Variants in PRKCE observed in about 807,000 individuals in gnomAD.
PRKCE encodes protein kinase C epsilon type.
In PRKCE, 16 loss-of-function variants were observed where a neutral mutation model predicts 85.4. That is an observed-to-expected ratio of 0.19 (90% confidence interval 0.13 to 0.28). The LOEUF (loss-of-function observed/expected upper bound fraction) is 0.28. Ranked by LOEUF, PRKCE falls within the 10% of genes least tolerant of loss-of-function variation. PRKCE has a pLI of 1.00. For synonymous variants in PRKCE, 388 were observed against 371.5 expected (o/e 1.04, Z -0.51); for missense variants, 573 against 975.2 (o/e 0.59, Z 5.49).
At chr2:45,676,359 T>C (rs1322122207) in intron 1 of PRKCE, among the ~76,000 whole-genome samples, 1 of 152,362 alleles carries the variant, frequency 6.6e-6, no homozygotes, top group South Asian at 2.1e-4. Context: ...AAAGAGATCT[T>C]TTAAACTGAA....
intron 6 of PRKCE, among the ~76,000 whole-genome samples, chr2:45,987,780 G>T (rs544701281): frequency 1.3e-5 from 2 of 152,296 alleles, no homozygotes; most frequent in South Asian, 2.1e-4. Flanking sequence ...AGATTAGCTG[G>T]ATGGCCCTGG....
intron 11 of PRKCE, among the ~76,000 whole-genome samples, chr2:46,086,836 C>G (rs1345930833): frequency 6.6e-6 from 1 of 152,156 alleles, no homozygotes; most frequent in Non-Finnish European, 1.5e-5. Context: ...GGTTTATGAT[C>G]TTGGGTGGGG....
chr2:45,846,656 AG>A (rs1451271662), intron 2 of PRKCE, among the ~76,000 whole-genome samples: 1 of 152,186 alleles, frequency 6.6e-6, no homozygotes, highest in African/African-American at 2.4e-5. Context: ...ACAGGCTGAA[AG>A]GGGTCAGTCT....
chr2:45,981,511 A>G (rs1265629754), intron 5 of PRKCE, among the ~76,000 whole-genome samples: 1 of 152,200 alleles, frequency 6.6e-6, no homozygotes, highest in Non-Finnish European at 1.5e-5. Context: ...GCAACAAAGG[A>G]CAAGGCTTAG....
intron 10 of PRKCE, among the ~76,000 whole-genome samples, chr2:46,077,639 A>C (rs538167945): frequency 6.6e-6 from 1 of 152,302 alleles, no homozygotes; most frequent in African/African-American, 2.4e-5. Flanking sequence ...AGGGCTGAAA[A>C]CATGTGAAAA....
At chr2:45,871,967 A>T (rs1197433015) in intron 2 of PRKCE, among the ~76,000 whole-genome samples, 3 of 152,210 alleles carry the variant, frequency 2.0e-5, no homozygotes, top group African/African-American at 7.2e-5. Flanking sequence ...GGACGGAGTT[A>T]GTGTGACAGT....
intron 1 of PRKCE, among the ~76,000 whole-genome samples, chr2:45,667,778 A>G (rs934752240): frequency 1.3e-5 from 2 of 151,866 alleles, no homozygotes; most frequent in African/African-American, 4.8e-5. Flanking sequence ...CCTTGTTATT[A>G]TATATGTTTT....
At position 45,702,506 on chromosome 2, in the gene PRKCE, T is replaced by G. The variant is rs181691238; in HGVS notation, c.348+50058T>G. ...CTCGGTCAGCATGGTCAGTTTTACT[T>G]GCATGTGTTTATCCTGAGCGGTGGA... On this transcript the variant is annotated intron_variant, in intron 1 of 14. Coordinates refer to ENST00000306156, the MANE Select transcript of PRKCE (RefSeq NM_005400.3). Among the ~76,000 whole-genome samples the G allele has an allele frequency of 2.6e-5, 4 of 152,320 alleles. No homozygotes were observed. The East Asian group carries it at 7.7e-4, about 29-fold the overall frequency.
intron 2 of PRKCE, among the ~76,000 whole-genome samples, chr2:45,904,525 C>G (rs558458866): frequency 6.6e-6 from 1 of 152,156 alleles, no homozygotes; most frequent in South Asian, 2.1e-4. Flanking sequence ...ATGAGATGAG[C>G]CTTTTGAGAA....
At chr2:45,968,759 T>G (rs1265433737) in intron 2 of PRKCE, among the ~76,000 whole-genome samples, 1 of 152,138 alleles carries the variant, frequency 6.6e-6, no homozygotes, top group South Asian at 2.1e-4. Flanking sequence ...CAGCTTGCTT[T>G]TTGTGTGGGA....
intron 2 of PRKCE, among the ~76,000 whole-genome samples, chr2:45,964,142 G>A (rs954060946): frequency 6.6e-6 from 1 of 152,194 alleles, no homozygotes; most frequent in Non-Finnish European, 1.5e-5. Context: ...TAAAAGGCTT[G>A]TTATTTGTTC....
chr2:45,730,041 G>C (rs1040150556), intron 1 of PRKCE, among the ~76,000 whole-genome samples: 2 of 152,198 alleles, frequency 1.3e-5, no homozygotes, highest in African/African-American at 4.8e-5. Flanking sequence ...GGTTAACCTT[G>C]GATTTGAAAA....
intron 2 of PRKCE, among the ~76,000 whole-genome samples, chr2:45,852,483 G>A (rs568374414): frequency 9.2e-5 from 14 of 152,228 alleles, no homozygotes; most frequent in African/African-American, 2.2e-4. Context: ...TATTGCCTGC[G>A]CAGGCACCAT....
chr2:45,806,254 G>A (rs1688233553), intron 1 of PRKCE, among the ~76,000 whole-genome samples: 2 of 152,152 alleles, frequency 1.3e-5, no homozygotes. Context: ...TGTGTGAGAA[G>A]GCTTGTGAGC....
At chr2:45,670,693 TA>T (rs1319782879) in intron 1 of PRKCE, among the ~76,000 whole-genome samples, 1 of 152,202 alleles carries the variant, frequency 6.6e-6, no homozygotes, top group Non-Finnish European at 1.5e-5. Context: ...TACATTTTAC[TA>T]ACCCAAACAA....
intron 11 of PRKCE, among the ~76,000 whole-genome samples, chr2:46,126,621 T>A (rs905319444): frequency 6.6e-6 from 1 of 152,230 alleles, no homozygotes; most frequent in African/African-American, 2.4e-5. Flanking sequence ...ATATTTCCCA[T>A]TTGAATATCA....
At chr2:45,671,257 C>T (rs945816655) in intron 1 of PRKCE, among the ~76,000 whole-genome samples, 2 of 152,116 alleles carry the variant, frequency 1.3e-5, no homozygotes, top group Non-Finnish European at 2.9e-5. Context: ...TTAAGATATT[C>T]CTCTTAATTT....
chr2:45,927,956 TGGA>T (rs1347960260), intron 2 of PRKCE, among the ~76,000 whole-genome samples: 2 of 152,130 alleles, frequency 1.3e-5, no homozygotes, highest in African/African-American at 4.8e-5. Flanking sequence ...TGGGTGGTAC[TGGA>T]GGACCCCAAT....
chr2:45,862,665 C>T (rs373606756), intron 2 of PRKCE, among the ~76,000 whole-genome samples: 2 of 152,182 alleles, frequency 1.3e-5, no homozygotes, highest in South Asian at 2.1e-4. Flanking sequence ...CTACAGATCA[C>T]GGGAACCAGG....
Sources: gnomAD v4.1 joint callset for allele counts (sites outside exome capture counted in the v4.1 genomes callset) on GRCh38, gnomAD v4.1.1 for gene constraint, MANE v1.5 for transcripts, NCBI Gene and HGNC (gene_info 2026-07-23, HGNC 2026-07-21) for gene names.